Variants in L3MBTL3 observed in about 807,000 individuals in gnomAD.
The protein encoded by L3MBTL3 is lethal(3)malignant brain tumor-like protein 3.
In L3MBTL3, 27 loss-of-function variants were observed where a neutral mutation model predicts 102.3. The observed-to-expected ratio is 0.26, with a 90% CI of 0.19 to 0.36. The LOEUF is 0.36. Ranked by LOEUF, L3MBTL3 falls within the 10% of genes least tolerant of loss-of-function variation. The probability of loss-of-function intolerance (pLI) is 1.00; values close to 1 mark genes in which losing one functional copy is unlikely to be tolerated. For synonymous variants in L3MBTL3, 340 were observed against 320.9 expected (o/e 1.06, Z -0.64); for missense variants, 798 against 955.3 (o/e 0.84, Z 2.17).
intron 13 of L3MBTL3, among the ~76,000 whole-genome samples, chr6:130,078,020 C>G (rs1038053587): frequency 6.6e-6 from 1 of 152,042 alleles, no homozygotes. Context: ...AGATGCTTGA[C>G]TGTAGTAGAG....
chr6:130,059,759 G>C (rs548998726), intron 9 of L3MBTL3, among the ~76,000 whole-genome samples: 1 of 152,224 alleles, frequency 6.6e-6, no homozygotes, highest in South Asian at 2.1e-4. Flanking sequence ...ACATATCTTA[G>C]TGTAATTTTA....
At chr6:130,132,612 C>T (rs1232957274) in intron 20 of L3MBTL3, among the ~76,000 whole-genome samples, 1 of 152,160 alleles carries the variant, frequency 6.6e-6, no homozygotes, top group Non-Finnish European at 1.5e-5. Context: ...GAAAAGGTTT[C>T]TGTTCTAAAG....
chr6:130,070,783 CTTT>C (rs774204472), intron 12 of L3MBTL3, 190 bp from the exon 13 acceptor site: 7 of 110,312 alleles, frequency 6.3e-5, no homozygotes, highest in Non-Finnish European at 9.1e-5. Flanking sequence ...ACAGTAGGAC[CTTT>C]TTTTTTTTTT....
At chr6:130,032,318 G>A (rs1779777665) in intron 2 of L3MBTL3, among the ~76,000 whole-genome samples, 1 of 152,146 alleles carries the variant, frequency 6.6e-6, no homozygotes, top group Non-Finnish European at 1.5e-5. Context: ...GTCTGCTGTT[G>A]TGTGTCTGTA....
At chr6:130,123,435 G>A (rs947999234) in intron 20 of L3MBTL3, among the ~76,000 whole-genome samples, 2 of 152,002 alleles carry the variant, frequency 1.3e-5, no homozygotes, top group African/African-American at 4.8e-5. Context: ...TTTTGTTAGT[G>A]AAAGAGAGCT....
chr6:130,044,651 A>G (rs978602879), intron 3 of L3MBTL3, among the ~76,000 whole-genome samples: 6 of 152,168 alleles, frequency 3.9e-5, no homozygotes, highest in African/African-American at 7.2e-5. Context: ...CCATGTATCC[A>G]ATTCATGTGC....
chr6:130,055,849 T>A (rs961348107), intron 8 of L3MBTL3, among the ~76,000 whole-genome samples: 1 of 151,286 alleles, frequency 6.6e-6, no homozygotes, highest in Non-Finnish European at 1.5e-5. Context: ...GAACCTGTTT[T>A]TTGCCTTCTC....
intron 14 of L3MBTL3, among the ~76,000 whole-genome samples, chr6:130,080,252 CAAGAAAA>C (rs1252729126): frequency 8.6e-6 from 1 of 116,586 alleles, no homozygotes; most frequent in Admixed American, 8.3e-5. Context: ...GACAGTGTTT[CAAGAAAA>C]AAGAAAAAAA....
chr6:130,068,906 C>G (rs13211294), intron 12 of L3MBTL3, among the ~76,000 whole-genome samples: 9,787 of 152,228 alleles, frequency 0.064, 463 homozygotes, highest in Non-Finnish European at 0.1. Flanking sequence ...ACCGGTATTC[C>G]TGCTTTCCAT....
chr6:130,025,284 T>C (rs1201941913), intron 2 of L3MBTL3, among the ~76,000 whole-genome samples: 10 of 152,206 alleles, frequency 6.6e-5, no homozygotes, highest in Non-Finnish European at 1.3e-4. Flanking sequence ...GTTCAGCGGA[T>C]CCATGGAAGA....
In L3MBTL3 at chr6:130,095,507, C is replaced by T. The variant is rs1296793091; in HGVS notation, c.1736+1140C>T. The stretch of plus-strand genomic sequence containing the variant: ...ACTGCAAACCAAAATTTATATGATA[C>T]ATCTTGGAAGTTATTAAATATTGCC... On this transcript the variant is annotated intron_variant, in intron 18 of 22. Transcript: ENST00000361794. 2.6e-5 allele frequency among the ~76,000 whole-genome samples: 4 copies of T among 152,050 alleles called. No homozygotes were observed. In the East Asian group the frequency reaches 7.7e-4, roughly 29 times the overall value.
chr6:130,084,623 T>C (rs78418194), intron 15 of L3MBTL3, among the ~76,000 whole-genome samples: 1,741 of 152,330 alleles, frequency 0.011, 28 homozygotes, highest in African/African-American at 0.039. Context: ...TGTGAATTTT[T>C]ATCTCCCACC....
chr6:130,073,725 G>A (rs1782775484), intron 13 of L3MBTL3, among the ~76,000 whole-genome samples: 1 of 152,080 alleles, frequency 6.6e-6, no homozygotes, highest in Non-Finnish European at 1.5e-5. Flanking sequence ...GGAACAAACA[G>A]GAAGGATCCT....
intron 16 of L3MBTL3, among the ~76,000 whole-genome samples, chr6:130,090,591 T>C (rs1010499581): frequency 2.0e-4 from 31 of 152,072 alleles, no homozygotes; most frequent in Admixed American, 9.8e-4. Context: ...TCTTCTTCTT[T>C]TTTCTTTTCT....
At chr6:130,106,074 T>C (rs1455398869) in intron 19 of L3MBTL3, among the ~76,000 whole-genome samples, 1 of 152,236 alleles carries the variant, frequency 6.6e-6, no homozygotes, top group Non-Finnish European at 1.5e-5. Flanking sequence ...TTTTAAAGTT[T>C]TCTATTTATA....
chr6:130,053,900 G>A (rs1781279762), intron 7 of L3MBTL3, among the ~76,000 whole-genome samples: 1 of 152,198 alleles, frequency 6.6e-6, no homozygotes, highest in Admixed American at 6.5e-5. Flanking sequence ...AGATGACATA[G>A]AGTCTCTCCT....
At chr6:130,050,153 C>A (rs1781002425) in intron 5 of L3MBTL3, among the ~76,000 whole-genome samples, 1 of 152,182 alleles carries the variant, frequency 6.6e-6, no homozygotes, top group South Asian at 2.1e-4. Context: ...TAATTTTACC[C>A]CCTTCCAATT....
intron 10 of L3MBTL3, among the ~76,000 whole-genome samples, chr6:130,063,931 A>G (rs1200364391): frequency 6.6e-6 from 1 of 152,202 alleles, no homozygotes; most frequent in Non-Finnish European, 1.5e-5. Context: ...AGCTGGGAAC[A>G]TGCATGTTGA....
chr6:130,096,005 CAAG>C (rs769532653), intron 18 of L3MBTL3, among the ~76,000 whole-genome samples: 9 of 152,166 alleles, frequency 5.9e-5, no homozygotes, highest in Admixed American at 1.3e-4. Context: ...ATTTTTTCAA[CAAG>C]AACTAATATT....
Sources: allele counts gnomAD v4.1 joint callset (sites outside exome capture counted in the v4.1 genomes callset), GRCh38; gene constraint gnomAD v4.1.1; transcripts MANE v1.5; gene names NCBI Gene and HGNC (gene_info 2026-07-23, HGNC 2026-07-21).